The following ETV6 variants were observed in gnomAD, a reference collection of about 807,000 sequenced individuals.
The protein encoded by ETV6 is transcription factor ETV6.
A neutral mutation model predicts 51.1 loss-of-function variants in ETV6; 16 were observed. The ratio of observed to expected loss-of-function variants is 0.31; its 90% CI spans 0.21 to 0.48. The LOEUF is 0.48. Among genes scored for constraint, ETV6 ranks in the 20% least tolerant of loss-of-function variants. ETV6 has a pLI of 0.99. For missense variants in ETV6, 458 were observed against 594.8 expected (o/e 0.77, Z 2.39); for synonymous variants, 240 against 224.1 (o/e 1.07, Z -0.64).
intron 1 of ETV6, among the ~76,000 whole-genome samples, chr12:11,735,216 T>C (rs2120994574): frequency 6.6e-6 from 1 of 151,266 alleles, no homozygotes; most frequent in Admixed American, 6.6e-5. Context: ...GTGTCTGTAG[T>C]AGACCCACCA....
At chr12:11,723,254 C>G (rs1865426197) in intron 1 of ETV6, among the ~76,000 whole-genome samples, 1 of 152,082 alleles carries the variant, frequency 6.6e-6, no homozygotes. Flanking sequence ...GTTAGTATGA[C>G]ACGGTTATAG....
intron 1 of ETV6, among the ~76,000 whole-genome samples, chr12:11,725,721 A>G (rs1383807064): frequency 1.3e-5 from 2 of 152,074 alleles, no homozygotes; most frequent in Non-Finnish European, 2.9e-5. Flanking sequence ...GGGGTGAGTG[A>G]GTTCTCGCTC....
chr12:11,852,906 G>T (rs1359434391), intron 3 of ETV6, among the ~76,000 whole-genome samples: 9 of 152,116 alleles, frequency 5.9e-5, no homozygotes, highest in African/African-American at 1.7e-4. Context: ...CATTTTTGGG[G>T]CCGTGCACGG....
intron 2 of ETV6, among the ~76,000 whole-genome samples, chr12:11,836,581 C>T (rs572093455): frequency 2.4e-4 from 37 of 152,182 alleles, no homozygotes; most frequent in Non-Finnish European, 4.0e-4. Context: ...TGTGCTTAAC[C>T]GGCAGAGCTG....
chr12:11,650,946 G>A (rs1206865645), intron 1 of ETV6, among the ~76,000 whole-genome samples: 2 of 152,214 alleles, frequency 1.3e-5, no homozygotes, highest in African/African-American at 2.4e-5. Context: ...ATGCAGGGCG[G>A]TAGATGTTTG....
chr12:11,864,131 T>C (rs1316478033), intron 4 of ETV6, among the ~76,000 whole-genome samples: 1 of 152,212 alleles, frequency 6.6e-6, no homozygotes, highest in African/African-American at 2.4e-5. Flanking sequence ...GTTCCCAAGG[T>C]CTGGGCAGGA....
intron 3 of ETV6, among the ~76,000 whole-genome samples, chr12:11,852,316 G>C (rs1479836834): frequency 6.6e-6 from 1 of 152,224 alleles, no homozygotes; most frequent in African/African-American, 2.4e-5. Context: ...GCAATGGCCT[G>C]ACATCTCTAG....
At chr12:11,792,205 G>A (rs1431421445) in intron 2 of ETV6, among the ~76,000 whole-genome samples, 1 of 152,182 alleles carries the variant, frequency 6.6e-6, no homozygotes, top group Non-Finnish European at 1.5e-5. Flanking sequence ...TCTTTATGAT[G>A]TTTTGCCCCT....
intron 2 of ETV6, among the ~76,000 whole-genome samples, chr12:11,789,383 C>T (rs745965351): frequency 7.2e-5 from 11 of 152,078 alleles, no homozygotes; most frequent in South Asian, 2.1e-4. Context: ...CTAATTCATC[C>T]GCCCTGCCTC....
chr12:11,750,844 A>G (rs774556304), intron 1 of ETV6: 11 of 483,686 alleles, frequency 2.3e-5, no homozygotes, highest in Non-Finnish European at 4.0e-5. Flanking sequence ...ACCAAACACC[A>G]AAAAGTATAA....
chr12:11,769,445 A>G (rs1392938109), intron 2 of ETV6, among the ~76,000 whole-genome samples: 2 of 152,178 alleles, frequency 1.3e-5, no homozygotes, highest in African/African-American at 4.8e-5. Context: ...CTGAGAAGAA[A>G]AAAAAAAACG....
chr12:11,662,580 T>C (rs1591593010), intron 1 of ETV6, among the ~76,000 whole-genome samples: 1 of 152,324 alleles, frequency 6.6e-6, no homozygotes, highest in East Asian at 1.9e-4. Flanking sequence ...AGGTTCACCA[T>C]GGAGGAGGTG....
intron 2 of ETV6, among the ~76,000 whole-genome samples, chr12:11,830,029 G>A (rs1032348964): frequency 4.6e-5 from 7 of 152,170 alleles, no homozygotes; most frequent in African/African-American, 1.7e-4. Context: ...GAGCAGGCCG[G>A]TGGGGAAGGG....
At chr12:11,822,281 A>G (rs911219674) in intron 2 of ETV6, among the ~76,000 whole-genome samples, 1 of 152,160 alleles carries the variant, frequency 6.6e-6, no homozygotes, top group Non-Finnish European at 1.5e-5. Context: ...GATGGTAGTG[A>G]TGGGAATTCC....
intron 3 of ETV6, among the ~76,000 whole-genome samples, chr12:11,843,330 A>G (rs1049822731): frequency 6.6e-6 from 1 of 152,186 alleles, no homozygotes; most frequent in Admixed American, 6.5e-5. Flanking sequence ...CAGATGTAAC[A>G]TTTGCCACTG....
At chr12:11,743,518 G>T (rs1306290281) in intron 1 of ETV6, among the ~76,000 whole-genome samples, 1 of 152,154 alleles carries the variant, frequency 6.6e-6, no homozygotes, top group Non-Finnish European at 1.5e-5. Context: ...AAACAGCTTT[G>T]CTGGGGCTGC....
rs116235161 is a variant in ETV6, at chr12:11,769,354, C to G, written c.163+16775C>G. On this transcript the variant is annotated intron_variant, in intron 2 of 7. Coordinates refer to ENST00000396373, the MANE Select transcript of ETV6 (RefSeq NM_001987.5). ...TTCTTCCCTGGAGAATATGGACTTT[C>G]AAAACTATTTTTCAATCAAGGCCAA... is the stretch of plus-strand genomic sequence containing the variant. Among the ~76,000 whole-genome samples the G allele has an allele frequency of 6.0e-3, 913 of 151,196 alleles. 11 individuals are homozygous for G. Among genetic ancestry groups the G allele is most frequent in the African/African-American group, 0.021 (870 of 41,232 alleles).
intron 1 of ETV6, among the ~76,000 whole-genome samples, chr12:11,673,588 G>A (rs2120708328): frequency 6.6e-6 from 1 of 152,220 alleles, no homozygotes; most frequent in Non-Finnish European, 1.5e-5. Flanking sequence ...TAGAGGGAAA[G>A]TATGTTGGAT....
intron 1 of ETV6, among the ~76,000 whole-genome samples, chr12:11,743,824 AG>A (rs552066367): frequency 4.0e-4 from 61 of 152,302 alleles, no homozygotes; most frequent in Middle Eastern, 6.8e-3. Flanking sequence ...CAAGACTTCC[AG>A]GATATAGCCG....
Sources: allele counts gnomAD v4.1 joint callset (sites outside exome capture counted in the v4.1 genomes callset), GRCh38; gene constraint gnomAD v4.1.1; transcripts MANE v1.5; gene names NCBI Gene and HGNC (gene_info 2026-07-23, HGNC 2026-07-21).